PATJ: variants seen among roughly 807,000 people sequenced by gnomAD.
PATJ encodes PATJ crumbs cell polarity complex component.
A neutral mutation model predicts 224.9 loss-of-function variants in PATJ; 190 were observed. The observed-to-expected ratio is 0.84, with a 90% CI of 0.75 to 0.95. The LOEUF (loss-of-function observed/expected upper bound fraction) is 0.95, where lower values mean the gene tolerates loss of function less well. Among genes scored for constraint, PATJ ranks in the 40% least tolerant of loss-of-function variants. PATJ has a pLI of 0.00. For synonymous variants in PATJ, 769 were observed against 820.3 expected (o/e 0.94, Z 1.07); for missense variants, 2,121 against 2,270.3 (o/e 0.93, Z 1.34).
intron 31 of PATJ, chr1:62,054,304 A>G: frequency 2.4e-6 from 1 of 423,392 alleles, no homozygotes; most frequent in Non-Finnish European, 4.7e-6. Flanking sequence ...TTGAGGTGGC[A>G]GTAAGCTGTG....
At chr1:61,832,068 AC>A (rs1288236453) in intron 16 of PATJ, among the ~76,000 whole-genome samples, 1 of 152,172 alleles carries the variant, frequency 6.6e-6, no homozygotes, top group African/African-American at 2.4e-5. Flanking sequence ...GCAAATTAAC[AC>A]AGAAACAGAA....
At chr1:61,982,834 T>G (rs779356375) in intron 27 of PATJ, among the ~76,000 whole-genome samples, 1 of 152,128 alleles carries the variant, frequency 6.6e-6, no homozygotes, top group Middle Eastern at 3.4e-3. Flanking sequence ...GTTTCTTAAT[T>G]TTAAGGGAGA....
chr1:61,956,811 G>A (rs940253909), intron 27 of PATJ, among the ~76,000 whole-genome samples: 6 of 152,194 alleles, frequency 3.9e-5, no homozygotes, highest in African/African-American at 9.6e-5. Context: ...TTATTGCTAA[G>A]TCACATTTAT....
At chr1:61,807,374 G>A (rs1035074890) in intron 13 of PATJ, among the ~76,000 whole-genome samples, 12 of 151,902 alleles carry the variant, frequency 7.9e-5, no homozygotes, top group South Asian at 2.1e-4. Context: ...ATGGTGTCTC[G>A]CTGTGTTGCC....
At position 61,781,133 on chromosome 1, in the gene PATJ, T is replaced by C. The variant is rs191937159; in HGVS notation, c.849+5799T>C. Among the ~76,000 whole-genome samples the C allele has an allele frequency of 2.4e-3, 360 of 152,328 alleles. 3 individuals are homozygous for C. The highest frequency in any genetic ancestry group is 8.0e-3 in the African/African-American group (332 of 41,578). On this transcript the variant is annotated intron_variant, in intron 7 of 43. Transcript: ENST00000642238. The stretch of plus-strand genomic sequence containing the variant: ...AGCCACAAAGTCAGGATTGAGCCCG[T>C]ACCTGTTTGATTCTGAAGTCTGAGC...
rs909872881 is a variant in PATJ at position 61,986,217 on chromosome 1, A to C, written c.3671-3951A>C. On this transcript the variant is annotated intron_variant, in intron 27 of 43. Coordinates refer to ENST00000642238, the MANE Select transcript of PATJ (RefSeq NM_001350145.3). ...GAAACACCGTGCCCAGCCTCATTTC[A>C]GTGTCTTTAATAGCTAGTAGTTCAT... is the stretch of plus-strand genomic sequence containing the variant. 1.7e-4 allele frequency among the ~76,000 whole-genome samples: 26 copies of C among 152,106 alleles called. 1 individual carries two copies. The highest frequency in any genetic ancestry group is 6.8e-3 in the Middle Eastern group (2 of 294).
Position 62,028,240 on chromosome 1 carries a change from T to G in PATJ, c.3960-9737T>G, listed in dbSNP as rs536394213. On this transcript the variant is annotated intron_variant, in intron 29 of 43. Coordinates refer to ENST00000642238, the MANE Select transcript of PATJ (RefSeq NM_001350145.3). The stretch of plus-strand genomic sequence containing the variant: ...GAGGATCTCTCTATGTTGCTCAGGC[T>G]GGAGAGTAGTGGCTCTTCACAGGCA... 6.6e-5 allele frequency among the ~76,000 whole-genome samples: 10 copies of G among 152,326 alleles called. No homozygotes were observed. The East Asian group carries it at 1.5e-3, about 24-fold the overall frequency.
intron 3 of PATJ, among the ~76,000 whole-genome samples, chr1:61,763,830 A>T (rs1167905503): frequency 6.6e-6 from 1 of 151,474 alleles, no homozygotes; most frequent in African/African-American, 2.4e-5. Flanking sequence ...GCTAATTTTT[A>T]AAAATTTTAT....
chr1:62,072,623 G>A (rs1210428038), intron 31 of PATJ: 4 of 151,674 alleles, frequency 2.6e-5, no homozygotes, highest in Non-Finnish European at 5.9e-5. Context: ...CCTAAAAAGG[G>A]GTGAACCAGC....
chr1:61,813,376 TATACACAC>T (rs1306033643), intron 14 of PATJ, among the ~76,000 whole-genome samples: 38 of 36,818 alleles, frequency 1.0e-3, no homozygotes, highest in African/African-American at 2.6e-3. Flanking sequence ...TATATATATA[TATACACAC>T]ACACACACAC....
At chr1:62,105,388 T>G (rs1224500734) in intron 33 of PATJ, among the ~76,000 whole-genome samples, 1 of 152,172 alleles carries the variant, frequency 6.6e-6, no homozygotes, top group East Asian at 1.9e-4. Flanking sequence ...TTCAATCCAG[T>G]GAAAATAGGG....
intron 31 of PATJ, among the ~76,000 whole-genome samples, chr1:62,059,335 G>A (rs534392308): frequency 4.6e-5 from 7 of 152,154 alleles, no homozygotes; most frequent in Admixed American, 1.3e-4. Flanking sequence ...TTGAAAAATC[G>A]GTTAGGCCCA....
intron 29 of PATJ, among the ~76,000 whole-genome samples, chr1:62,031,104 A>T (rs563066289): frequency 1.3e-5 from 2 of 152,250 alleles, no homozygotes; most frequent in East Asian, 3.9e-4. Flanking sequence ...ACAAAGGTTT[A>T]TTTCTTTCTC....
At chr1:61,941,650 C>CAATAAATA (rs755332851) in intron 27 of PATJ, among the ~76,000 whole-genome samples, 11 of 151,742 alleles carry the variant, frequency 7.2e-5, no homozygotes, top group African/African-American at 2.2e-4. Context: ...GACTCTGTCT[C>CAATAAATA]AATAAATAAA....
intron 1 of PATJ, among the ~76,000 whole-genome samples, chr1:61,754,456 C>T (rs1645506187): frequency 6.6e-6 from 1 of 151,802 alleles, no homozygotes; most frequent in African/African-American, 2.4e-5. Flanking sequence ...GTAATTCTCC[C>T]ACCTCAGCCT....
At chr1:61,863,519 C>G (rs1664955149) in intron 19 of PATJ, among the ~76,000 whole-genome samples, 1 of 152,170 alleles carries the variant, frequency 6.6e-6, no homozygotes, top group African/African-American at 2.4e-5. Context: ...CAGAGGTTCT[C>G]CAGAGATAGG....
intron 5 of PATJ, among the ~76,000 whole-genome samples, chr1:61,770,076 G>A (rs994809714): frequency 6.6e-6 from 1 of 152,098 alleles, no homozygotes; most frequent in African/African-American, 2.4e-5. Context: ...TAGAATAATA[G>A]CAACAATGGT....
chr1:62,011,020 T>C (rs1345139381), intron 28 of PATJ, among the ~76,000 whole-genome samples: 1 of 152,210 alleles, frequency 6.6e-6, no homozygotes, highest in Admixed American at 6.5e-5. Context: ...TTGATAGAAT[T>C]GAAGAGAGTT....
intron 41 of PATJ, among the ~76,000 whole-genome samples, chr1:62,133,323 T>C (rs1666457518): frequency 6.6e-6 from 1 of 152,208 alleles, no homozygotes; most frequent in Admixed American, 6.5e-5. Context: ...GGCTCATACC[T>C]GTAATCCCAG....
Sources: allele counts gnomAD v4.1 joint callset (sites outside exome capture counted in the v4.1 genomes callset), GRCh38; gene constraint gnomAD v4.1.1; transcripts MANE v1.5; gene names NCBI Gene and HGNC (gene_info 2026-07-23, HGNC 2026-07-21).